The following MARCHF11 variants were observed in gnomAD, a reference collection of about 807,000 sequenced individuals.
MARCHF11 encodes the protein E3 ubiquitin-protein ligase MARCHF11.
A neutral mutation model predicts 37.3 loss-of-function variants in MARCHF11; 29 were observed. That is an observed-to-expected ratio of 0.78 (90% CI 0.58 to 1.06). The LOEUF is 1.06. MARCHF11 is among the 50% of genes least tolerant of loss of function. The pLI is 0.00. For synonymous variants in MARCHF11, 233 were observed against 228.0 expected (o/e 1.02, Z -0.20); for missense variants, 482 against 533.4 (o/e 0.90, Z 0.95).
chr5:16,117,593 T>A (rs1737242974), intron 2 of MARCHF11, among the ~76,000 whole-genome samples: 1 of 152,154 alleles, frequency 6.6e-6, no homozygotes, highest in Non-Finnish European at 1.5e-5. Flanking sequence ...CTGCTTTATT[T>A]AAACTCACCT....
At chr5:16,169,825 T>C (rs555806736) in intron 2 of MARCHF11, among the ~76,000 whole-genome samples, 1 of 152,246 alleles carries the variant, frequency 6.6e-6, no homozygotes, top group African/African-American at 2.4e-5. Flanking sequence ...TTCCCTGCTA[T>C]TCTGAAGGGT....
intron 2 of MARCHF11, among the ~76,000 whole-genome samples, chr5:16,144,884 T>C (rs988486081): frequency 7.2e-5 from 11 of 152,214 alleles, no homozygotes; most frequent in South Asian, 4.1e-4. Flanking sequence ...TTAAATGCCA[T>C]GTGCATGCCA....
chr5:16,140,488 G>T (rs1291366341), intron 2 of MARCHF11, among the ~76,000 whole-genome samples: 1 of 152,048 alleles, frequency 6.6e-6, no homozygotes, highest in Non-Finnish European at 1.5e-5. Context: ...CTCCCGAAAT[G>T]CACCAGACAA....
intron 3 of MARCHF11, among the ~76,000 whole-genome samples, chr5:16,074,698 A>T (rs995071264): frequency 1.3e-5 from 2 of 152,220 alleles, no homozygotes; most frequent in Non-Finnish European, 2.9e-5. Context: ...TGCAAGAAAC[A>T]TAAGGACAAT....
At chr5:16,133,296 G>A (rs1196554991) in intron 2 of MARCHF11, among the ~76,000 whole-genome samples, 1 of 151,996 alleles carries the variant, frequency 6.6e-6, no homozygotes. Flanking sequence ...ACCTTCCTTG[G>A]AACCCCATCA....
chr5:16,157,604 T>C (rs1737998727), intron 2 of MARCHF11, among the ~76,000 whole-genome samples: 1 of 151,896 alleles, frequency 6.6e-6, no homozygotes, highest in Non-Finnish European at 1.5e-5. Context: ...GTCTCTTCAA[T>C]AAATGGTTTT....
chr5:16,169,629 T>C (rs1738225474), intron 2 of MARCHF11, among the ~76,000 whole-genome samples: 2 of 152,144 alleles, frequency 1.3e-5, no homozygotes, highest in African/African-American at 4.8e-5. Flanking sequence ...TCTTCTTACA[T>C]CAAATTCACT....
rs2126600045 is a variant in MARCHF11 at position 16,154,242 on chromosome 5, A to C, written c.693+23484T>G. On this transcript the variant is annotated intron_variant, in intron 2 of 3. Coordinates refer to ENST00000332432, the MANE Select transcript of MARCHF11 (RefSeq NM_001102562.3). ...GCAAATCTGTTAGGTTCACCTTGGGAACTCACAGAATTCTGTAAGGAGTAA... is the reference window on the plus strand; with the variant it reads ...GCAAATCTGTTAGGTTCACCTTGGGCACTCACAGAATTCTGTAAGGAGTAA... 3.9e-5 allele frequency among the ~76,000 whole-genome samples: 6 copies of C among 152,074 alleles called. 2 individuals carry two copies. Among genetic ancestry groups the C allele is most frequent in the Admixed American group, 3.9e-4 (6 of 15,254 alleles).
At chr5:16,137,666 A>C (rs1737629977) in intron 2 of MARCHF11, among the ~76,000 whole-genome samples, 1 of 152,226 alleles carries the variant, frequency 6.6e-6, no homozygotes, top group African/African-American at 2.4e-5. Context: ...GATGTGAGAA[A>C]GTTTGGCACT....
At chr5:16,103,047 A>G (rs1458954777) in intron 2 of MARCHF11, among the ~76,000 whole-genome samples, 1 of 151,662 alleles carries the variant, frequency 6.6e-6, no homozygotes, top group Admixed American at 6.6e-5. Context: ...TCAACATGCA[A>G]CTTATCAGAT....
intron 2 of MARCHF11, among the ~76,000 whole-genome samples, chr5:16,166,879 A>G (rs1738177798): frequency 1.7e-5 from 2 of 117,838 alleles, no homozygotes; most frequent in Non-Finnish European, 3.5e-5. Flanking sequence ...CCAGAGAAAC[A>G]AAACCAACAG....
At chr5:16,152,710 T>A (rs189906205) in intron 2 of MARCHF11, among the ~76,000 whole-genome samples, 169 of 152,074 alleles carry the variant, frequency 1.1e-3, no homozygotes, top group Middle Eastern at 6.8e-3. Flanking sequence ...GCTTCCTCTA[T>A]TTGGCTAAGA....
At position 16,078,607 on chromosome 5, in the gene MARCHF11, T is replaced by C. The variant is rs149567145; in HGVS notation, c.887-10814A>G. On this transcript the variant is annotated intron_variant, in intron 3 of 3. Coordinates refer to ENST00000332432, the MANE Select transcript of MARCHF11 (RefSeq NM_001102562.3). ...TCACATTTCTTTGAAAGAAAGTTCT[T>C]TGGTGCAAAATAGTACAAATCCAAC... 1.1e-3 allele frequency among the ~76,000 whole-genome samples: 169 copies of C among 152,260 alleles called. 1 individual carries two copies. Among genetic ancestry groups the C allele is most frequent in the African/African-American group, 3.6e-3 (149 of 41,562 alleles).
intron 2 of MARCHF11, chr5:16,141,072 C>T (rs1203087346): frequency 1.3e-5 from 2 of 152,382 alleles, no homozygotes; most frequent in African/African-American, 2.4e-5. Context: ...GGGCCAAAGC[C>T]GTGGGACTCC....
chr5:16,141,276 G>A (rs1439563757), intron 2 of MARCHF11: 2 of 152,146 alleles, frequency 1.3e-5, no homozygotes, highest in Non-Finnish European at 2.9e-5. Context: ...GTGTCTCTGT[G>A]GGGCCATACA....
intron 2 of MARCHF11, among the ~76,000 whole-genome samples, chr5:16,164,364 T>C (rs1168225870): frequency 1.3e-5 from 2 of 152,022 alleles, no homozygotes; most frequent in East Asian, 1.9e-4. Flanking sequence ...AACAAGGAAA[T>C]AGAAGTCTTG....
chr5:16,073,952 G>A (rs367650231), intron 3 of MARCHF11, among the ~76,000 whole-genome samples: 26 of 152,184 alleles, frequency 1.7e-4, no homozygotes, highest in East Asian at 1.4e-3. Flanking sequence ...CATACATTCC[G>A]TTCATCAGCA....
At chr5:16,112,943 C>T (rs1031042042) in intron 2 of MARCHF11, among the ~76,000 whole-genome samples, 1 of 152,096 alleles carries the variant, frequency 6.6e-6, no homozygotes, top group African/African-American at 2.4e-5. Context: ...CTCTCGCCTC[C>T]CCAGCCACAT....
chr5:16,067,873 G>T, intron 3 of MARCHF11, 80 bp from the exon 4 acceptor site: 1 of 1,236,280 alleles, frequency 8.1e-7, no homozygotes, highest in Non-Finnish European at 1.1e-6. Flanking sequence ...ACAAGTAAGG[G>T]ATCCAAAAAT....
Sources: gnomAD v4.1 joint callset for allele counts (sites outside exome capture counted in the v4.1 genomes callset) on GRCh38, gnomAD v4.1.1 for gene constraint, MANE v1.5 for transcripts, NCBI Gene and HGNC (gene_info 2026-07-23, HGNC 2026-07-21) for gene names.